STON2: variants seen among roughly 807,000 people sequenced by gnomAD.
STON2 encodes the protein stonin-2.
Under a neutral mutation model 65.7 loss-of-function variants are expected in STON2, and 29 were observed. The ratio of observed to expected loss-of-function variants is 0.44; its 90% CI spans 0.33 to 0.60. The LOEUF (loss-of-function observed/expected upper bound fraction) is 0.60, where lower values mean the gene tolerates loss of function less well. Among genes scored for constraint, STON2 ranks in the 20% least tolerant of loss-of-function variants. STON2 has a pLI of 0.03. For synonymous variants in STON2, 404 were observed against 414.2 expected (o/e 0.98, Z 0.30); for missense variants, 1,054 against 1,118.1 (o/e 0.94, Z 0.82).
chr14:81,282,350 G>A (rs968061082), intron 5 of STON2, among the ~76,000 whole-genome samples: 2 of 152,158 alleles, frequency 1.3e-5, no homozygotes, highest in Non-Finnish European at 2.9e-5. Flanking sequence ...AATTGCCTGC[G>A]TTTCAATTCC....
intron 1 of STON2, among the ~76,000 whole-genome samples, chr14:81,429,051 C>T (rs1284342511): frequency 6.6e-6 from 1 of 152,154 alleles, no homozygotes; most frequent in East Asian, 1.9e-4. Context: ...CAATGAAAGC[C>T]AGGGAGAAGC....
At chr14:81,316,454 C>T (rs1359770530) in intron 5 of STON2, among the ~76,000 whole-genome samples, 2 of 152,084 alleles carry the variant, frequency 1.3e-5, no homozygotes, top group Non-Finnish European at 2.9e-5. Context: ...AGTAGGGAGG[C>T]GGGGTTTCTT....
chr14:81,286,526 C>G (rs1566889871), intron 5 of STON2, among the ~76,000 whole-genome samples: 2 of 152,222 alleles, frequency 1.3e-5, no homozygotes. Context: ...ATTGTTTACA[C>G]ATAATGCTAT....
chr14:81,348,686 T>C (rs913628568), intron 4 of STON2, among the ~76,000 whole-genome samples: 3 of 152,074 alleles, frequency 2.0e-5, no homozygotes, highest in African/African-American at 4.8e-5. Context: ...AAGCAATCTA[T>C]AGAGTCAATG....
chr14:81,294,505 C>T (rs1487427539), intron 5 of STON2, among the ~76,000 whole-genome samples: 1 of 152,192 alleles, frequency 6.6e-6, no homozygotes, highest in Non-Finnish European at 1.5e-5. Context: ...ATGTACTAGG[C>T]CTCCATTCCC....
intron 5 of STON2, among the ~76,000 whole-genome samples, chr14:81,312,283 C>T (rs546241620): frequency 3.4e-4 from 52 of 152,102 alleles, no homozygotes; most frequent in Non-Finnish European, 6.8e-4. Flanking sequence ...AAGAAGGGAA[C>T]CTCAGATAAC....
intron 4 of STON2, among the ~76,000 whole-genome samples, chr14:81,340,651 C>T (rs1312712883): frequency 3.3e-4 from 50 of 152,262 alleles, no homozygotes; most frequent in Non-Finnish European, 5.9e-5. Flanking sequence ...CACACTTCCA[C>T]AGCCCACCCA....
intron 5 of STON2, among the ~76,000 whole-genome samples, chr14:81,280,095 CCTTT>C (rs1373906612): frequency 1.3e-5 from 2 of 152,124 alleles, no homozygotes; most frequent in African/African-American, 2.4e-5. Flanking sequence ...GATATAATCT[CCTTT>C]TTTTCTCTAA....
At chr14:81,293,745 A>G (rs1895654287) in intron 5 of STON2, among the ~76,000 whole-genome samples, 1 of 152,072 alleles carries the variant, frequency 6.6e-6, no homozygotes, top group African/African-American at 2.4e-5. Flanking sequence ...GGGATGAATG[A>G]CCATAGGGAG....
chr14:81,299,076 A>G (rs923630685), intron 5 of STON2, among the ~76,000 whole-genome samples: 1 of 152,212 alleles, frequency 6.6e-6, no homozygotes, highest in Non-Finnish European at 1.5e-5. Flanking sequence ...CAAAACACTC[A>G]TAAGTTCTAG....
chr14:81,399,731 A>G (rs1566944056), intron 1 of STON2, among the ~76,000 whole-genome samples: 1 of 152,222 alleles, frequency 6.6e-6, no homozygotes, highest in Admixed American at 6.6e-5. Context: ...TAGTACTCTA[A>G]TTCTTCTATG....
intron 3 of STON2, among the ~76,000 whole-genome samples, chr14:81,386,908 G>T (rs1899834379): frequency 6.6e-6 from 1 of 152,102 alleles, no homozygotes; most frequent in African/African-American, 2.4e-5. Context: ...ATCAGCCTTG[G>T]CTTTGAGAGA....
At chr14:81,433,030 G>T (rs905988852) in intron 1 of STON2, among the ~76,000 whole-genome samples, 5 of 152,232 alleles carry the variant, frequency 3.3e-5, no homozygotes, top group Non-Finnish European at 7.3e-5. Context: ...CAGACTGACT[G>T]ATTCAGGAAC....
At chr14:81,358,471 A>T (rs370731912) in intron 4 of STON2, among the ~76,000 whole-genome samples, 2 of 152,360 alleles carry the variant, frequency 1.3e-5, no homozygotes, top group East Asian at 3.9e-4. Flanking sequence ...AAATGAAGTC[A>T]GAAGAAAGGA....
chr14:81,362,231 C>T (rs1898525942), intron 4 of STON2, among the ~76,000 whole-genome samples: 2 of 152,114 alleles, frequency 1.3e-5, no homozygotes, highest in African/African-American at 4.8e-5. Context: ...TGGAATCAAC[C>T]TAAGTGTCCA....
chr14:81,365,903 T>TC (rs1392681872), intron 4 of STON2, among the ~76,000 whole-genome samples: 1 of 152,230 alleles, frequency 6.6e-6, no homozygotes, highest in Admixed American at 6.5e-5. Context: ...CCCTCGACCC[T>TC]CTTACTGTTC....
intron 4 of STON2, among the ~76,000 whole-genome samples, chr14:81,357,065 A>G (rs1258707355): frequency 2.0e-5 from 3 of 152,166 alleles, no homozygotes; most frequent in Non-Finnish European, 2.9e-5. Flanking sequence ...TAATTAAACT[A>G]AAGAGCTTCT....
chr14:81,365,986 G>T (rs1329057093), intron 4 of STON2, among the ~76,000 whole-genome samples: 1 of 152,178 alleles, frequency 6.6e-6, no homozygotes, highest in Non-Finnish European at 1.5e-5. Context: ...TGCCCACCTT[G>T]TCTAGACAAA....
Position 81,264,652 on chromosome 14 carries a change from CA to C in STON2, c.*3761del. The C allele has an allele frequency of 1.0e-6, 1 of 984,714 alleles. No homozygotes were observed. Among genetic ancestry groups the C allele is most frequent in the Non-Finnish European group, 1.2e-6 (1 of 829,418 alleles). 61.0% of individuals were successfully genotyped at this position (984,714 alleles called of 1,614,324 possible). A position where few individuals can be genotyped will look rare whatever the true frequency, so the allele number is the denominator to read the frequency against. On this transcript the variant is annotated 3_prime_UTR_variant, in exon 8 of 8. Transcript: ENST00000614646. ...ATTTGAATAGAAATCAGTCTCATTT[CA>C]AATAAAAAATATTTTAAATCAAACA...
Sources: gnomAD v4.1 joint callset for allele counts (sites outside exome capture counted in the v4.1 genomes callset) on GRCh38, gnomAD v4.1.1 for gene constraint, MANE v1.5 for transcripts, NCBI Gene and HGNC (gene_info 2026-07-23, HGNC 2026-07-21) for gene names.